NPC1: variants seen among roughly 807,000 people sequenced by gnomAD.
The protein encoded by NPC1 is Niemann-Pick C1 protein.
Under a neutral mutation model 140.4 loss-of-function variants are expected in NPC1, and 85 were observed. That is an observed-to-expected ratio of 0.61 (90% CI 0.51 to 0.72). The LOEUF (loss-of-function observed/expected upper bound fraction) is 0.72, where lower values mean the gene tolerates loss of function less well. Ranked by LOEUF, NPC1 falls within the 30% of genes least tolerant of loss-of-function variation. The pLI is 0.00. For missense variants in NPC1, 1,504 were observed against 1,623.8 expected, an observed-to-expected ratio of 0.93 and a Z score of 1.27; for synonymous variants, 656 against 624.8, an observed-to-expected ratio of 1.05 and a Z score of -0.74.
chr18:23,571,232 T>TAA (rs10715014), intron 3 of NPC1, among the ~76,000 whole-genome samples: 2 of 147,106 alleles, frequency 1.4e-5, no homozygotes. Flanking sequence ...AAACTGACTT[T>TAA]AAAAAAAAAA....
downstream of NPC1, chr18:23,529,769 C>T (rs778208038): frequency 2.7e-6 from 4 of 1,493,182 alleles, no homozygotes; most frequent in Non-Finnish European, 2.8e-6. Context: ...AAAAAAAACA[C>T]AGTCACTGTC....
chr18:23,529,074 A>G (rs1348013639), downstream of NPC1: 32 of 1,500,202 alleles, frequency 2.1e-5, no homozygotes, highest in Non-Finnish European at 2.8e-5. Context: ...TTTTCCGCTC[A>G]TATCCTGGGT....
chr18:23,539,238 G>A (rs1301835883), intron 19 of NPC1, 117 bp downstream of exon 19: 2 of 745,812 alleles, frequency 2.7e-6, no homozygotes, highest in Non-Finnish European at 4.8e-6. Context: ...ATGACACAGG[G>A]AGACCCAGCT....
At chr18:23,557,794 A>G (rs2435303) in intron 6 of NPC1, among the ~76,000 whole-genome samples, 1 of 152,198 alleles carries the variant, frequency 6.6e-6, no homozygotes, top group Admixed American at 6.5e-5. Context: ...AGCAATGAGC[A>G]TACCTAGTGC....
At chr18:23,578,614 A>ATC (rs1054766958) in intron 1 of NPC1, among the ~76,000 whole-genome samples, 5 of 151,922 alleles carry the variant, frequency 3.3e-5, no homozygotes, top group Non-Finnish European at 4.4e-5. Context: ...TTTTAACCTC[A>ATC]TCTCTCTCTC....
At chr18:23,531,094 G>A (rs999849267), downstream of NPC1, among the ~76,000 whole-genome samples, 5 of 152,118 alleles carry the variant, frequency 3.3e-5, no homozygotes, top group African/African-American at 4.8e-5. Flanking sequence ...GGGTTCAAGC[G>A]ATTCTTCTGC....
At chr18:23,506,685 G>A (rs1193249064) in intron 3 of NPC1, 2 of 321,270 alleles carry the variant, frequency 6.2e-6, no homozygotes, top group East Asian at 1.9e-4. Context: ...CTCCTGAGCG[G>A]GTCTATAGTT....
intron 3 of NPC1, chr18:23,509,419 C>T: frequency 3.1e-6 from 1 of 326,646 alleles, no homozygotes; most frequent in Non-Finnish European, 5.5e-6. Flanking sequence ...GCCCAGGCTG[C>T]AGTGCAGTGG....
At chr18:23,514,133 A>C (rs1267960427) in intron 3 of NPC1, among the ~76,000 whole-genome samples, 2 of 152,218 alleles carry the variant, frequency 1.3e-5, no homozygotes, top group Non-Finnish European at 2.9e-5. Flanking sequence ...TGACCTAATG[A>C]AAGTCATATA....
At chr18:23,541,005 T>TA (rs982138078) in intron 16 of NPC1, 63 bp downstream of exon 16, 39 of 1,580,750 alleles carry the variant, frequency 2.5e-5, no homozygotes, top group South Asian at 2.2e-4. Context: ...TCTGGCTTCT[T>TA]AGAAGGCATG....
chr18:23,528,902 G>C, downstream of NPC1: 1 of 282,550 alleles, frequency 3.5e-6, no homozygotes, highest in Non-Finnish European at 6.7e-6. Flanking sequence ...TTTTTGAGAC[G>C]GAGTTTTGTT....
chr18:23,537,195 G>A (rs767765718), intron 20 of NPC1, among the ~76,000 whole-genome samples: 8 of 151,934 alleles, frequency 5.3e-5, no homozygotes, highest in South Asian at 2.1e-4. Flanking sequence ...TCAGCCTCCC[G>A]AATAGCTGGG....
chr18:23,548,218 T>C (rs2058816099), intron 10 of NPC1, 110 bp from the exon 11 acceptor site: 1 of 743,790 alleles, frequency 1.3e-6, no homozygotes, highest in South Asian at 1.4e-5. Context: ...CTATGGACTG[T>C]ATCTCTGGGC....
intron 1 of NPC1, among the ~76,000 whole-genome samples, chr18:23,579,869 A>T (rs952559086): frequency 7.2e-6 from 1 of 138,014 alleles, no homozygotes; most frequent in African/African-American, 2.9e-5. Flanking sequence ...TGGGTAACAG[A>T]GAGAGACTCC....
At chr18:23,510,468 C>T (rs926674415) in intron 3 of NPC1, among the ~76,000 whole-genome samples, 8 of 151,952 alleles carry the variant, frequency 5.3e-5, no homozygotes, top group South Asian at 2.1e-4. Flanking sequence ...GCCAACATGA[C>T]GAAACCCTGT....
chr18:23,524,897 T>C (rs2058248074), downstream of NPC1, among the ~76,000 whole-genome samples: 1 of 150,920 alleles, frequency 6.6e-6, no homozygotes, highest in African/African-American at 2.4e-5. Flanking sequence ...GCCTCCTCAG[T>C]CTGTTAATTG....
chr18:23,515,944 T>A, intron 3 of NPC1: 2 of 1,614,146 alleles, frequency 1.2e-6, no homozygotes, highest in Non-Finnish European at 1.7e-6. Context: ...AGCGCCGTGA[T>A]CTTGCTGTCT....
intron 4 of NPC1, among the ~76,000 whole-genome samples, chr18:23,562,888 T>C (rs1010392085): frequency 2.0e-5 from 3 of 152,152 alleles, no homozygotes; most frequent in African/African-American, 7.2e-5. Flanking sequence ...ACAATATAAT[T>C]ACATGTAATT....
At chr18:23,532,320 G>A (rs370854351) in intron 24 of NPC1, 36 bp from the exon 25 acceptor site, 1 of 1,612,958 alleles carries the variant, frequency 6.2e-7, no homozygotes, top group Non-Finnish European at 8.5e-7. Flanking sequence ...ATTTCTGCAG[G>A]AGAAAGGGAG....
Sources: gnomAD v4.1 joint callset for allele counts (sites outside exome capture counted in the v4.1 genomes callset) on GRCh38, gnomAD v4.1.1 for gene constraint, MANE v1.5 for transcripts, NCBI Gene and HGNC (gene_info 2026-07-23, HGNC 2026-07-21) for gene names.